The following EXOC4 variants were observed in gnomAD, a reference collection of about 807,000 sequenced individuals.
The protein encoded by EXOC4 is SEC8-like 1.
A neutral mutation model predicts 107.2 loss-of-function variants in EXOC4; 71 were observed. The ratio of observed to expected loss-of-function variants is 0.66; its 90% CI spans 0.55 to 0.81. The LOEUF is 0.81. Ranked by LOEUF, EXOC4 falls within the 30% of genes least tolerant of loss-of-function variation. EXOC4 has a pLI of 0.00. For missense variants in EXOC4, 1,108 were observed against 1,189.6 expected, an observed-to-expected ratio of 0.93 and a Z score of 1.01; for synonymous variants, 456 against 441.2, an observed-to-expected ratio of 1.03 and a Z score of -0.42.
intron 10 of EXOC4, among the ~76,000 whole-genome samples, chr7:133,725,573 A>G (rs987121718): frequency 6.6e-6 from 1 of 152,116 alleles, no homozygotes; most frequent in African/African-American, 2.4e-5. Flanking sequence ...ACAGAGTTTC[A>G]TCATGTTGGC....
At chr7:133,705,851 A>C (rs1794758731) in intron 10 of EXOC4, among the ~76,000 whole-genome samples, 1 of 152,262 alleles carries the variant, frequency 6.6e-6, no homozygotes, top group African/African-American at 2.4e-5. Context: ...TGTGCAATTT[A>C]AAATGCATGA....
intron 5 of EXOC4, among the ~76,000 whole-genome samples, chr7:133,326,988 G>T (rs375898816): frequency 7.0e-4 from 106 of 152,330 alleles, no homozygotes; most frequent in Middle Eastern, 3.4e-3. Context: ...AGGCTCCATG[G>T]GCGTGGGACT....
chr7:133,486,792 TTACTTATATG>T (rs1330879505), intron 9 of EXOC4, among the ~76,000 whole-genome samples: 1 of 152,180 alleles, frequency 6.6e-6, no homozygotes, highest in African/African-American at 2.4e-5. Flanking sequence ...TGACCTTAAC[TTACTTATATG>T]TAAGATTTGT....
chr7:133,464,162 G>T (rs1399396341), intron 7 of EXOC4, among the ~76,000 whole-genome samples: 2 of 152,156 alleles, frequency 1.3e-5, no homozygotes, highest in African/African-American at 2.4e-5. Flanking sequence ...ATTCTATGAA[G>T]TAGTTCTTTT....
At chr7:133,684,257 T>C (rs1794247083) in intron 10 of EXOC4, among the ~76,000 whole-genome samples, 1 of 152,198 alleles carries the variant, frequency 6.6e-6, no homozygotes, top group South Asian at 2.1e-4. Flanking sequence ...ATAAAAAGGT[T>C]ATTTAAAATA....
chr7:133,421,477 AC>A (rs1222987195), intron 7 of EXOC4, among the ~76,000 whole-genome samples: 1 of 152,204 alleles, frequency 6.6e-6, no homozygotes, highest in Non-Finnish European at 1.5e-5. Flanking sequence ...CTTCTACTGT[AC>A]GAGTAGCAGA....
chr7:133,326,053 T>C (rs1461364764), intron 5 of EXOC4, among the ~76,000 whole-genome samples: 1 of 152,230 alleles, frequency 6.6e-6, no homozygotes, highest in South Asian at 2.1e-4. Context: ...GCCATGTTTT[T>C]CAGCTCCATC....
chr7:133,989,541 A>C (rs1408150331), intron 14 of EXOC4, among the ~76,000 whole-genome samples: 1 of 150,182 alleles, frequency 6.7e-6, no homozygotes, highest in African/African-American at 2.5e-5. Flanking sequence ...GAGAGAGAAA[A>C]CAACACCCAG....
At chr7:133,902,006 G>T (rs754939389) in intron 12 of EXOC4, among the ~76,000 whole-genome samples, 1 of 152,096 alleles carries the variant, frequency 6.6e-6, no homozygotes, top group Non-Finnish European at 1.5e-5. Context: ...ATTTACCACC[G>T]CCCCAGTCAG....
chr7:133,996,134 T>C (rs1447782714), intron 14 of EXOC4, among the ~76,000 whole-genome samples: 1 of 152,222 alleles, frequency 6.6e-6, no homozygotes, highest in Non-Finnish European at 1.5e-5. Context: ...AATCACTTGC[T>C]AAAGAATAAT....
chr7:133,563,488 T>G (rs1800848067), intron 9 of EXOC4, among the ~76,000 whole-genome samples: 2 of 152,184 alleles, frequency 1.3e-5, no homozygotes, highest in South Asian at 4.1e-4. Flanking sequence ...TGCATTTGCT[T>G]GTGTCGAAAA....
At chr7:133,408,202 A>T (rs1310999636) in intron 7 of EXOC4, among the ~76,000 whole-genome samples, 1 of 142,302 alleles carries the variant, frequency 7.0e-6, no homozygotes, top group Non-Finnish European at 1.5e-5. Context: ...GATGGTGATG[A>T]TGGAGGTATT....
At chr7:133,428,598 A>G (rs1452563289) in intron 7 of EXOC4, among the ~76,000 whole-genome samples, 2 of 152,262 alleles carry the variant, frequency 1.3e-5, no homozygotes, top group South Asian at 2.1e-4. Flanking sequence ...AGTTATGCAC[A>G]GACTCAATGC....
chr7:133,921,182 G>A (rs115039567), intron 13 of EXOC4, among the ~76,000 whole-genome samples: 1,827 of 152,292 alleles, frequency 0.012, 47 homozygotes, highest in African/African-American at 0.042. Context: ...CTGAAGGCCT[G>A]AGAACCAGGA....
At chr7:133,643,315 GTC>G (rs35875859) in intron 10 of EXOC4, among the ~76,000 whole-genome samples, 64,165 of 151,830 alleles carry the variant, frequency 0.42, 14,446 homozygotes, top group Admixed American at 0.56. Flanking sequence ...GGCTAGGTCA[GTC>G]TCTCTTTTCA....
At chr7:133,603,061 C>G (rs189416385) in intron 9 of EXOC4, among the ~76,000 whole-genome samples, 1 of 152,184 alleles carries the variant, frequency 6.6e-6, no homozygotes, top group East Asian at 1.9e-4. Context: ...TTTTAGAAAT[C>G]AAGAATATAT....
intron 6 of EXOC4, among the ~76,000 whole-genome samples, chr7:133,370,604 T>TA (rs915732832): frequency 2.6e-5 from 4 of 152,152 alleles, no homozygotes; most frequent in African/African-American, 4.8e-5. Context: ...TGTAGCTTTT[T>TA]AAAAAAATCT....
chr7:133,294,528 T>C (rs1352949197), intron 3 of EXOC4, among the ~76,000 whole-genome samples: 2 of 152,144 alleles, frequency 1.3e-5, no homozygotes, highest in East Asian at 3.8e-4. Flanking sequence ...AATCATTTTG[T>C]CTGTCTTTAT....
At position 133,487,140 on chromosome 7, in the gene EXOC4, C is replaced by G. The variant is rs113760177; in HGVS notation, c.1417+7002C>G. On this transcript the variant is annotated intron_variant, in intron 9 of 17. Coordinates refer to ENST00000253861, the MANE Select transcript of EXOC4 (RefSeq NM_021807.4). ...TGCATAGCTGAACCATATGGAAGAG[C>G]CTGGAATTTATGGTAAAATGGATCT... Among the ~76,000 whole-genome samples, 3 of 152,148 alleles carry G rather than the reference C, an allele frequency of 2.0e-5. No individual in the cohort carries two copies. The South Asian group carries it at 6.2e-4, about 32-fold the overall frequency.
Sources: allele counts gnomAD v4.1 joint callset (sites outside exome capture counted in the v4.1 genomes callset), GRCh38; gene constraint gnomAD v4.1.1; transcripts MANE v1.5; gene names NCBI Gene and HGNC (gene_info 2026-07-23, HGNC 2026-07-21).